Variants in PLPPR1 observed in about 807,000 individuals in gnomAD.
PLPPR1 encodes the protein phospholipid phosphatase related 1.
Under a neutral mutation model 33.1 loss-of-function variants are expected in PLPPR1, and 10 were observed. That is an observed-to-expected ratio of 0.30 (90% CI 0.19 to 0.51). The LOEUF is 0.51. Among genes scored for constraint, PLPPR1 ranks in the 20% least tolerant of loss-of-function variants. PLPPR1 has a pLI of 0.97. For synonymous variants in PLPPR1, 151 were observed against 151.0 expected, an observed-to-expected ratio of 1.00 and a Z score of 0.00; for missense variants, 304 against 408.1, an observed-to-expected ratio of 0.74 and a Z score of 2.20.
intron 7 of PLPPR1, among the ~76,000 whole-genome samples, chr9:101,321,568 C>A (rs147978776): frequency 2.0e-5 from 3 of 152,040 alleles, no homozygotes; most frequent in African/African-American, 7.2e-5. Flanking sequence ...TTCTACACCC[C>A]GCCCCACTCA....
At chr9:101,086,466 C>T (rs1830677256) in intron 1 of PLPPR1, among the ~76,000 whole-genome samples, 1 of 152,134 alleles carries the variant, frequency 6.6e-6, no homozygotes, top group Admixed American at 6.6e-5. Context: ...GTGGTCTACC[C>T]CATGAAGGGT....
chr9:101,067,585 A>G (rs16919778), intron 1 of PLPPR1, among the ~76,000 whole-genome samples: 7,483 of 152,160 alleles, frequency 0.049, 510 homozygotes, highest in East Asian at 0.25. Context: ...GAAAGAACAG[A>G]GGAAAAGTCA....
intron 1 of PLPPR1, among the ~76,000 whole-genome samples, chr9:101,175,392 T>C (rs529910137): frequency 4.6e-5 from 7 of 152,216 alleles, no homozygotes; most frequent in African/African-American, 1.4e-4. Context: ...AAAGTTAACT[T>C]TTCTTCTGAT....
At chr9:101,311,425 G>A (rs10217411) in intron 5 of PLPPR1, among the ~76,000 whole-genome samples, 18,772 of 152,084 alleles carry the variant, frequency 0.12, 1,341 homozygotes, top group South Asian at 0.18. Flanking sequence ...CCTAAGTACT[G>A]GTTAATACTA....
intron 4 of PLPPR1, among the ~76,000 whole-genome samples, chr9:101,293,524 C>G (rs1246339222): frequency 6.6e-6 from 1 of 152,092 alleles, no homozygotes; most frequent in Non-Finnish European, 1.5e-5. Context: ...CACACCACAC[C>G]TATTCCAAAA....
intron 1 of PLPPR1, among the ~76,000 whole-genome samples, chr9:101,150,636 A>C (rs1326131366): frequency 6.6e-6 from 1 of 152,172 alleles, no homozygotes; most frequent in Non-Finnish European, 1.5e-5. Context: ...CCTCTAAGTC[A>C]TAGTTGGTTA....
At chr9:101,166,196 G>T (rs1825856190) in intron 1 of PLPPR1, among the ~76,000 whole-genome samples, 1 of 151,806 alleles carries the variant, frequency 6.6e-6, no homozygotes, top group African/African-American at 2.4e-5. Flanking sequence ...TATGGCCGTG[G>T]TTTTTTTTCA....
At chr9:101,268,792 C>G (rs1280525846) in intron 2 of PLPPR1, among the ~76,000 whole-genome samples, 1 of 152,034 alleles carries the variant, frequency 6.6e-6, no homozygotes, top group African/African-American at 2.4e-5. Flanking sequence ...GATTTTTTTT[C>G]ATAACTTTGA....
rs762050064 is a variant in PLPPR1, at chr9:101,312,978, G to C, written c.813+4G>C. The C allele has an allele frequency of 6.2e-6, 10 of 1,613,894 alleles. No individual in the cohort carries two copies. In the East Asian group the frequency reaches 2.2e-4, roughly 36 times the overall value. On this transcript the variant is annotated splice_donor_region_variant and intron_variant, in intron 6 of 7. Coordinates refer to ENST00000374874, the MANE Select transcript of PLPPR1 (RefSeq NM_207299.2). ...CACTGCAGTGGCCCTGTTTCTGGTAGGTTGACTTCCCTCTTTTTACCTTTT... is the reference window on the plus strand; with the variant it reads ...CACTGCAGTGGCCCTGTTTCTGGTACGTTGACTTCCCTCTTTTTACCTTTT...
chr9:101,298,118 C>T (rs1056587468), intron 4 of PLPPR1, among the ~76,000 whole-genome samples: 2 of 151,968 alleles, frequency 1.3e-5, no homozygotes, highest in African/African-American at 2.4e-5. Context: ...ATTAACTTTC[C>T]CTTCCTGAAT....
At chr9:101,057,153 G>A (rs1564132246) in intron 1 of PLPPR1, among the ~76,000 whole-genome samples, 1 of 152,136 alleles carries the variant, frequency 6.6e-6, no homozygotes, top group African/African-American at 2.4e-5. Context: ...TTAGCATTTT[G>A]TTGGCCTCAA....
At chr9:101,318,157 A>C (rs1829089143) in intron 7 of PLPPR1, among the ~76,000 whole-genome samples, 1 of 152,142 alleles carries the variant, frequency 6.6e-6, no homozygotes, top group African/African-American at 2.4e-5. Context: ...GTAACAAGTC[A>C]CCATCTTTAC....
intron 4 of PLPPR1, among the ~76,000 whole-genome samples, chr9:101,305,259 GAA>G (rs1295531756): frequency 6.6e-6 from 1 of 152,016 alleles, no homozygotes; most frequent in Admixed American, 6.6e-5. Flanking sequence ...ATGTGTGTGA[GAA>G]AAAGAGAGAG....
intron 1 of PLPPR1, among the ~76,000 whole-genome samples, chr9:101,090,041 T>C (rs1830723913): frequency 6.6e-6 from 1 of 152,170 alleles, no homozygotes; most frequent in Non-Finnish European, 1.5e-5. Flanking sequence ...CTCTTGCTTT[T>C]TCCAGCTTCT....
At chr9:101,161,834 G>T (rs1355868247) in intron 1 of PLPPR1, among the ~76,000 whole-genome samples, 1 of 152,106 alleles carries the variant, frequency 6.6e-6, no homozygotes, top group Non-Finnish European at 1.5e-5. Context: ...CATGGGATAT[G>T]TTTTTACCCC....
At chr9:101,058,305 T>G (rs1319646367) in intron 1 of PLPPR1, among the ~76,000 whole-genome samples, 1 of 150,832 alleles carries the variant, frequency 6.6e-6, no homozygotes, top group African/African-American at 2.4e-5. Context: ...CAGAGCCGTT[T>G]GTGAGCTCAC....
At chr9:101,286,017 C>T (rs1027404403) in intron 3 of PLPPR1, 87 bp from the exon 4 acceptor site, 3 of 1,062,404 alleles carry the variant, frequency 2.8e-6, no homozygotes, top group Non-Finnish European at 4.2e-6. Context: ...TGTGGGTCCT[C>T]AACAGTTTTG....
chr9:101,259,275 ATGCCTGATGGGATT>A (rs1827853841), intron 2 of PLPPR1, among the ~76,000 whole-genome samples: 1 of 152,166 alleles, frequency 6.6e-6, no homozygotes, highest in African/African-American at 2.4e-5. Context: ...CTAAGAGGCC[ATGCCTGATGGGATT>A]TGCTGGCTTG....
chr9:101,247,162 C>T (rs980416570), intron 2 of PLPPR1, among the ~76,000 whole-genome samples: 14 of 151,956 alleles, frequency 9.2e-5, no homozygotes, highest in African/African-American at 2.9e-4. Flanking sequence ...GCAGCTTCTG[C>T]GGCAATGACA....
Sources: gnomAD v4.1 joint callset for allele counts (sites outside exome capture counted in the v4.1 genomes callset) on GRCh38, gnomAD v4.1.1 for gene constraint, MANE v1.5 for transcripts, NCBI Gene and HGNC (gene_info 2026-07-23, HGNC 2026-07-21) for gene names.